BPTF: variants seen among roughly 807,000 people sequenced by gnomAD.
BPTF encodes the protein nucleosome-remodeling factor subunit BPTF.
In BPTF, 18 loss-of-function variants were observed where a neutral mutation model predicts 292.5. The observed-to-expected ratio is 0.06, with a 90% CI of 0.04 to 0.09. The LOEUF is 0.09. BPTF is among the 10% of genes least tolerant of loss of function. BPTF has a pLI of 1.00. For synonymous variants in BPTF, 1,225 were observed against 1,251.9 expected (o/e 0.98, Z 0.45); for missense variants, 2,726 against 3,498.7 (o/e 0.78, Z 5.57).
At chr17:67,831,817 T>C (rs2056708579) in intron 1 of BPTF, among the ~76,000 whole-genome samples, 1 of 152,204 alleles carries the variant, frequency 6.6e-6, no homozygotes, top group Admixed American at 6.5e-5. Flanking sequence ...CACCTTGGTC[T>C]TCCTTCTCTT....
At position 67,874,871 on chromosome 17, in the gene BPTF, G is replaced by C; in HGVS notation, c.1715G>C (p.Ser572Thr). ...AAGGGAGACATTGATAATGTTAAAA[G>C]CCCAGAAGAAACAGAAAAAGACAAG... Reference protein sequence around the residue: ...AKKGDIDNVKSPEETEKDKNE... With the variant: ...AKKGDIDNVKTPEETEKDKNE... The change falls in exon 4 of 28, where the codon AGC becomes ACC. Residue 572 changes from serine (S) to threonine (T), a missense_variant. Ser to Thr is a moderately conservative substitution (Grantham distance 58). Transcript: ENST00000306378. 1.9e-6 allele frequency: 3 copies of C among 1,613,660 alleles called. No individual in the cohort carries two copies. The highest frequency in any genetic ancestry group is 2.5e-6 in the Non-Finnish European group (3 of 1,179,870).
chr17:67,852,363 T>G (rs1169048346), intron 1 of BPTF, among the ~76,000 whole-genome samples: 2 of 152,172 alleles, frequency 1.3e-5, no homozygotes, highest in Non-Finnish European at 2.9e-5. Flanking sequence ...TTAGTCTTCT[T>G]TTCCTGTCCC....
intron 10 of BPTF, among the ~76,000 whole-genome samples, chr17:67,910,375 A>G (rs2062571105): frequency 6.6e-6 from 1 of 152,184 alleles, no homozygotes; most frequent in South Asian, 2.1e-4. Context: ...CGATATACCT[A>G]GGAATGGAAT....
chr17:67,854,538 C>T lies in BPTF; in HGVS notation c.1212C>T (p.Cys404=). 1 of 1,614,186 alleles carries T rather than the reference C, an allele frequency of 6.2e-7. No homozygotes were observed. Among genetic ancestry groups the T allele is most frequent in the Non-Finnish European group, 8.5e-7 (1 of 1,180,036 alleles). ...GTCACAAACTTGGGGATTTGCTTTG[C>T]TGTGAGACATGTTCAGCAGTATACC... ...RVCHKLGDLL[C]CETCSAVYHL... The change falls in exon 2 of 28, where the codon TGC becomes TGT. Residue 404 remains cysteine (C), a synonymous_variant. Transcript: ENST00000306378. The surrounding 1 kb of genome is among the most constrained non-coding windows in gnomAD (Gnocchi z 5.6).
intron 4 of BPTF, among the ~76,000 whole-genome samples, chr17:67,887,632 G>A (rs184512730): frequency 6.6e-6 from 1 of 152,192 alleles, no homozygotes; most frequent in African/African-American, 2.4e-5. Context: ...TTTTTCAATT[G>A]CAAGTGACCA....
intron 16 of BPTF, 99 bp from the exon 17 acceptor site, chr17:67,929,237 A>G (rs1190390623): frequency 6.5e-7 from 1 of 1,528,566 alleles, no homozygotes; most frequent in African/African-American, 1.4e-5. Flanking sequence ...AGCCCACTAT[A>G]AAACCCTGCC....
chr17:67,966,559 T>A lies in BPTF; in HGVS notation c.8455-13T>A. 1 of 1,606,502 alleles carries A rather than the reference T, an allele frequency of 6.2e-7. No homozygotes were observed. The highest frequency in any genetic ancestry group is 1.1e-5 in the South Asian group (1 of 90,602). ...TTTTCACTGACAATAATGATGCTGC[T>A]TTTTCATTATAGGCCCATAAGATGG... On this transcript the variant is annotated splice_polypyrimidine_tract_variant and intron_variant, in intron 25 of 27. Transcript: ENST00000306378.
intron 24 of BPTF, among the ~76,000 whole-genome samples, chr17:67,960,903 T>C (rs1315200502): frequency 2.0e-5 from 3 of 152,240 alleles, no homozygotes; most frequent in African/African-American, 7.2e-5. Context: ...GATTGAGCTG[T>C]GTGCTGAATT....
chr17:67,875,029 A>AT lies in BPTF; in HGVS notation c.1864+11dup. The AT allele has an allele frequency of 6.3e-7, 1 of 1,592,074 alleles. No individual in the cohort carries two copies. Among genetic ancestry groups the AT allele is most frequent in the Non-Finnish European group, 8.5e-7 (1 of 1,170,724 alleles). ...GCAAGGAAAATCTGAGGGTAAAAAA[A>AT]TTACTTGATTAAAAAGAAATATTTC... is the stretch of plus-strand genomic sequence containing the variant. On this transcript the variant is annotated intron_variant, in intron 4 of 27. Transcript: ENST00000306378.
chr17:67,966,298 C>T (rs2068091314), intron 25 of BPTF: 5 of 327,496 alleles, frequency 1.5e-5, no homozygotes, highest in African/African-American at 8.7e-5. Flanking sequence ...TCAGTGACGG[C>T]TCATCATGTA....
chr17:67,933,714 A>C (rs1220350060), intron 18 of BPTF, among the ~76,000 whole-genome samples: 1 of 152,230 alleles, frequency 6.6e-6, no homozygotes, highest in Admixed American at 6.5e-5. Flanking sequence ...AGCCACAATT[A>C]AACTATGTAT....
chr17:67,968,659 G>T (rs1166289338), intron 26 of BPTF, among the ~76,000 whole-genome samples: 1 of 150,968 alleles, frequency 6.6e-6, no homozygotes, highest in Non-Finnish European at 1.5e-5. Context: ...GTGGTGGCGG[G>T]CACCTGTAGT....
chr17:67,843,773 T>TTTTTTTTTTTC (rs2057776695), intron 1 of BPTF, among the ~76,000 whole-genome samples: 1 of 111,082 alleles, frequency 9.0e-6, no homozygotes, highest in African/African-American at 3.4e-5. Context: ...TTTTTTTTTT[T>TTTTTTTTTTTC]TTTTTTTTTG....
intron 23 of BPTF, among the ~76,000 whole-genome samples, chr17:67,958,609 A>G (rs577295000): frequency 2.6e-5 from 4 of 151,832 alleles, no homozygotes; most frequent in Non-Finnish European, 4.4e-5. Context: ...GGTGCCTGTA[A>G]TCCTAGCTAG....
intron 9 of BPTF, among the ~76,000 whole-genome samples, chr17:67,907,256 A>AT (rs10706190): frequency 0.09 from 11,990 of 133,082 alleles, 1,321 homozygotes; most frequent in African/African-American, 0.27. Flanking sequence ...GGGAGGCTTG[A>AT]TTTTTTTTTT....
intron 23 of BPTF, among the ~76,000 whole-genome samples, chr17:67,952,518 C>T (rs2066475287): frequency 6.6e-6 from 1 of 152,108 alleles, no homozygotes; most frequent in African/African-American, 2.4e-5. Flanking sequence ...CCTCCTCGGC[C>T]TCCCAAAGTG....
chr17:67,880,091 A>G (rs2060298914), intron 4 of BPTF, among the ~76,000 whole-genome samples: 1 of 152,154 alleles, frequency 6.6e-6, no homozygotes, highest in Non-Finnish European at 1.5e-5. Flanking sequence ...TTTACAATTT[A>G]TTAGCATAAT....
At chr17:67,915,999 T>C (rs1056950547) in intron 11 of BPTF, among the ~76,000 whole-genome samples, 3 of 152,190 alleles carry the variant, frequency 2.0e-5, no homozygotes, top group African/African-American at 7.2e-5. Flanking sequence ...GACAAACTTT[T>C]CCTTGCAAAT....
In BPTF at chr17:67,918,701, G is replaced by A; in HGVS notation, c.5304-13G>A. 1 of 1,610,042 alleles carries A rather than the reference G, an allele frequency of 6.2e-7. No individual in the cohort carries two copies. Among genetic ancestry groups the A allele is most frequent in the East Asian group, 2.2e-5 (1 of 44,706 alleles). On this transcript the variant is annotated splice_polypyrimidine_tract_variant and intron_variant, in intron 11 of 27. Coordinates refer to ENST00000306378, the MANE Select transcript of BPTF (RefSeq NM_182641.4). ...ATATAGATATATATGGATTTCTTTG[G>A]TTTTCCTTTCAGGTATAGACTTCAG...
Sources: gnomAD v4.1 joint callset for allele counts (sites outside exome capture counted in the v4.1 genomes callset) on GRCh38, gnomAD v4.1.1 for gene constraint, Gnocchi (gnomAD v3.1) non-coding constraint, MANE v1.5 for transcripts, NCBI Gene and HGNC (gene_info 2026-07-23, HGNC 2026-07-21) for gene names.